CYP3A5: variants seen among roughly 807,000 people sequenced by gnomAD.
CYP3A5 encodes cytochrome P450 family 3 subfamily A member 5, also known as cytochrome P450 3A5.
CYP3A5 carries 51 observed loss-of-function variants against 55.9 expected under a neutral mutation model. The ratio of observed to expected loss-of-function variants is 0.91; its 90% CI spans 0.73 to 1.15. The LOEUF (loss-of-function observed/expected upper bound fraction) is 1.15. CYP3A5 is among the 50% of genes most tolerant of loss of function. CYP3A5 has a pLI of 0.00. For synonymous variants in CYP3A5, 196 were observed against 213.9 expected, an observed-to-expected ratio of 0.92 and a Z score of 0.73; for missense variants, 533 against 596.6, an observed-to-expected ratio of 0.89 and a Z score of 1.11.
intron 4 of CYP3A5, among the ~76,000 whole-genome samples, chr7:99,669,275 A>G (rs376959271): frequency 1.3e-5 from 2 of 152,228 alleles, no homozygotes; most frequent in Non-Finnish European, 2.9e-5. Flanking sequence ...AAGAGGCATT[A>G]TATGCAAAAA....
chr7:99,672,328 G>T (rs898009199), intron 4 of CYP3A5, among the ~76,000 whole-genome samples: 4 of 152,072 alleles, frequency 2.6e-5, no homozygotes, highest in African/African-American at 9.7e-5. Flanking sequence ...GGGATTACAG[G>T]CATGAGCCAT....
At position 99,652,628 on chromosome 7, in the gene CYP3A5, A is replaced by G; in HGVS notation, c.1178T>C (p.Met393Thr). 6.2e-7 allele frequency: 1 copy of G among 1,614,108 alleles called. No homozygotes were observed. The highest frequency in any genetic ancestry group is 8.5e-7 in the Non-Finnish European group (1 of 1,179,994). The change falls in exon 11 of 13, where the codon ATG (methionine) becomes ACG (threonine). Residue 393 changes from methionine to threonine, a missense_variant. Physicochemically the swap from Met to Thr is moderately conservative, Grantham distance 81. Transcript: ENST00000222982. ...AAGAGCATAAGTTGGAATCACCACCATTGACCCTTTGGGAATGAATACCCC... is the reference window on the plus strand; with the variant it reads ...AAGAGCATAAGTTGGAATCACCACCGTTGACCCTTTGGGAATGAATACCCC... ...INGVFIPKGS[M>T]VVIPTYALHH...
At position 99,666,628 on chromosome 7, in the gene CYP3A5, T is replaced by C. The variant is rs1213716478; in HGVS notation, c.494A>G (p.Glu165Gly). ...TTTCAAGGTGACAGGCTTGCCTTTC[T>C]CTGCTTCCCGCCTCAAGTTTCTCAC... ...VLVRNLRREA[E>G]KGKPVTLKDI... Residue 165 changes from glutamate to glycine, a missense_variant, in exon 6 of 13, where the codon GAG becomes GGG. Coordinates refer to ENST00000222982, the MANE Select transcript of CYP3A5 (RefSeq NM_000777.5). 2 of 1,614,040 alleles carry C rather than the reference T, an allele frequency of 1.2e-6. No individual in the cohort carries two copies. The highest frequency in any genetic ancestry group is 1.7e-6 in the Non-Finnish European group (2 of 1,179,912).
At chr7:99,669,027 CCTAT>C (rs1811316706) in intron 4 of CYP3A5, among the ~76,000 whole-genome samples, 1 of 152,084 alleles carries the variant, frequency 6.6e-6, no homozygotes, top group Non-Finnish European at 1.5e-5. Flanking sequence ...GTTCTATTTT[CCTAT>C]CTGTTAATTT....
At chr7:99,665,140 A>C (rs1810870240) in intron 7 of CYP3A5, 26 bp downstream of exon 7, 3 of 1,542,330 alleles carry the variant, frequency 1.9e-6, no homozygotes, top group Non-Finnish European at 2.6e-6. Flanking sequence ...TTTTAAAAAG[A>C]GAGAAAGAAA....
chr7:99,660,964 T>G (rs1810383854), intron 9 of CYP3A5, among the ~76,000 whole-genome samples: 1 of 152,188 alleles, frequency 6.6e-6, no homozygotes. Context: ...ATACTCAGTG[T>G]TATGGGTGTG....
At chr7:99,665,111 A>G in intron 7 of CYP3A5, 55 bp downstream of exon 7, 1 of 1,392,020 alleles carries the variant, frequency 7.2e-7, no homozygotes, top group Admixed American at 2.1e-5. Context: ...TGTGAATTAT[A>G]TGTCAAGAAA....
intron 8 of CYP3A5, chr7:99,663,767 A>T: frequency 8.1e-7 from 1 of 1,241,676 alleles, no homozygotes; most frequent in Non-Finnish European, 1.0e-6. Flanking sequence ...GCCTGATTTC[A>T]AGTTTTAAAT....
intron 7 of CYP3A5, 83 bp downstream of exon 7, chr7:99,665,083 T>C (rs1260589521): frequency 8.5e-7 from 1 of 1,175,900 alleles, no homozygotes; most frequent in Non-Finnish European, 1.2e-6. Context: ...ACCTTTTAAG[T>C]GGATGAATTA....
chr7:99,649,770 C>T (rs1289177191), intron 12 of CYP3A5, among the ~76,000 whole-genome samples: 1 of 152,194 alleles, frequency 6.6e-6, no homozygotes, highest in African/African-American at 2.4e-5. Flanking sequence ...GTAATCATTG[C>T]ACTTCATGAT....
chr7:99,657,402 T>G (rs1313113087), intron 10 of CYP3A5, among the ~76,000 whole-genome samples: 4 of 152,208 alleles, frequency 2.6e-5, no homozygotes, highest in Non-Finnish European at 4.4e-5. Flanking sequence ...TTTGAGTGAG[T>G]TTCTGAATCC....
intron 2 of CYP3A5, among the ~76,000 whole-genome samples, chr7:99,675,069 C>G (rs1485100562): frequency 6.6e-6 from 1 of 152,200 alleles, no homozygotes; most frequent in African/African-American, 2.4e-5. Flanking sequence ...AACCAGGAAC[C>G]TCTTTTAGTC....
In CYP3A5 at chr7:99,679,886, A is replaced by T; in HGVS notation, c.11T>A (p.Ile4Asn). The T allele has an allele frequency of 6.2e-7, 1 of 1,614,022 alleles. No homozygotes were observed. The highest frequency in any genetic ancestry group is 1.7e-4 in the Middle Eastern group (1 of 6,060). The change falls in exon 1 of 13, where the codon ATC becomes AAC. Residue 4 changes from isoleucine (I) to asparagine (N), a missense_variant. Physicochemically the swap from Ile to Asn is moderately radical, Grantham distance 149. Coordinates refer to ENST00000222982, the MANE Select transcript of CYP3A5 (RefSeq NM_000777.5). ...CCAGGTTTCCACCGCCAAATTTGGG[A>T]TGAGGTCCATCGCCACTTTCCTTCT... MDL[I>N]PNLAVETWLL...
intron 12 of CYP3A5, 45 bp downstream of exon 12, chr7:99,650,028 T>C (rs970991274): frequency 1.2e-6 from 2 of 1,605,420 alleles, no homozygotes; most frequent in Non-Finnish European, 1.7e-6. Flanking sequence ...TATATACCCT[T>C]CAGTTAAAAA....
chr7:99,662,664 C>T lies in CYP3A5; in HGVS notation c.865+152G>A. 9.9e-6 allele frequency: 7 copies of T among 706,546 alleles called. No individual in the cohort carries two copies. The South Asian group carries it at 1.3e-4, about 13-fold the overall frequency. The allele number at this position is 706,546 out of a possible 1,614,324, so 43.8% of individuals were successfully genotyped here. A position where few individuals can be genotyped will look rare whatever the true frequency, so the allele number is the denominator to read the frequency against. On this transcript the variant is annotated intron_variant, in intron 9 of 12. Coordinates refer to ENST00000222982, the MANE Select transcript of CYP3A5 (RefSeq NM_000777.5). The surrounding 1 kb of genome is among the most constrained non-coding windows in gnomAD (Gnocchi z 4.3). ...TATACCTGTGGGCTTCTGGAAAGTGCCTCCAGCTACCATTTATAACATCTA... is the reference window on the plus strand; with the variant it reads ...TATACCTGTGGGCTTCTGGAAAGTGTCTCCAGCTACCATTTATAACATCTA...
intron 9 of CYP3A5, 102 bp from the exon 10 acceptor site, chr7:99,660,761 T>C (rs1429761008): frequency 7.1e-7 from 1 of 1,416,132 alleles, no homozygotes. Context: ...GAAGAAAAAA[T>C]GGAAAAGCAA....
At chr7:99,660,406 T>C (rs1039957627) in intron 10 of CYP3A5, 93 bp downstream of exon 10, 10 of 1,490,180 alleles carry the variant, frequency 6.7e-6, no homozygotes, top group African/African-American at 1.4e-5. Context: ...TCAGTGATTA[T>C]GCTTTTTATA....
rs532985065 is a variant in CYP3A5 at position 99,656,692 on chromosome 7, C to T, written c.1026+3807G>A. Among the ~76,000 whole-genome samples the T allele has an allele frequency of 6.2e-4, 94 of 152,246 alleles. 2 individuals are homozygous for T. The highest frequency in any genetic ancestry group is 4.2e-3 in the South Asian group (20 of 4,816). On this transcript the variant is annotated intron_variant, in intron 10 of 12. Coordinates refer to ENST00000222982, the MANE Select transcript of CYP3A5 (RefSeq NM_000777.5). ...TCCTTGTACCTCTGGTAGAATTCGGCGGTGAATCCATCTGGTCCTGGACTT... is the reference window on the plus strand; with the variant it reads ...TCCTTGTACCTCTGGTAGAATTCGGTGGTGAATCCATCTGGTCCTGGACTT...
intron 3 of CYP3A5, among the ~76,000 whole-genome samples, chr7:99,673,143 G>T (rs1484065352): frequency 6.6e-6 from 1 of 152,178 alleles, no homozygotes; most frequent in Non-Finnish European, 1.5e-5. Context: ...GTTGGTGTGG[G>T]GCCCATGGAC....
Sources: allele counts gnomAD v4.1 joint callset (sites outside exome capture counted in the v4.1 genomes callset), GRCh38; gene constraint gnomAD v4.1.1; non-coding constraint Gnocchi (gnomAD v3.1); transcripts MANE v1.5; gene names NCBI Gene and HGNC (gene_info 2026-07-23, HGNC 2026-07-21).